NCKAP5: variants seen among roughly 807,000 people sequenced by gnomAD.
The protein encoded by NCKAP5 is nck-associated protein 5.
In NCKAP5, 92 loss-of-function variants were observed where a neutral mutation model predicts 167.0. That is an observed-to-expected ratio of 0.55 (90% CI 0.47 to 0.66). The LOEUF (loss-of-function observed/expected upper bound fraction) is 0.66, where lower values mean the gene tolerates loss of function less well. Ranked by LOEUF, NCKAP5 falls within the 30% of genes least tolerant of loss-of-function variation. NCKAP5 has a pLI of 0.00. For synonymous variants in NCKAP5, 891 were observed against 877.4 expected, an observed-to-expected ratio of 1.02 and a Z score of -0.27; for missense variants, 2,378 against 2,315.0, an observed-to-expected ratio of 1.03 and a Z score of -0.56.
chr2:133,069,399 C>T lies in NCKAP5; in HGVS notation c.341+60579G>A, dbSNP rs566128551. On this transcript the variant is annotated intron_variant, in intron 6 of 19. Transcript: ENST00000409261. ...CTTTGTCTGTTCCCCAGCCAGAGAT[C>T]CCTACTAAAAGAGATAGCATGCTAA... is the stretch of plus-strand genomic sequence containing the variant. 3.3e-5 allele frequency among the ~76,000 whole-genome samples: 5 copies of T among 152,298 alleles called. No individual in the cohort carries two copies. In the East Asian group the frequency reaches 9.6e-4, roughly 29 times the overall value.
At position 132,790,200 on chromosome 2, in the gene NCKAP5, G is replaced by A; in HGVS notation, c.915C>T (p.His305=). 1 of 1,611,372 alleles carries A rather than the reference G, an allele frequency of 6.2e-7. No individual in the cohort carries two copies. The highest frequency in any genetic ancestry group is 8.5e-7 in the Non-Finnish European group (1 of 1,178,818). ...TCAAGGCCGATTTTGTATTTAGTTG[G>A]TGTTCCTGAAAAAGCAGGACAGCTC... ...QSRTDAEVHE[H]QLNTKSALKC... Residue 305 remains histidine (H), a synonymous_variant, in exon 13 of 20, where the codon CAC becomes CAT. Transcript: ENST00000409261.
At chr2:133,094,902 A>C (rs2081298106) in intron 6 of NCKAP5, among the ~76,000 whole-genome samples, 1 of 152,116 alleles carries the variant, frequency 6.6e-6, no homozygotes, top group South Asian at 2.1e-4. Flanking sequence ...TGACCCCTAG[A>C]AGTTTAGAGT....
intron 4 of NCKAP5, among the ~76,000 whole-genome samples, chr2:133,227,724 C>T (rs1024606337): frequency 6.6e-6 from 1 of 152,228 alleles, no homozygotes; most frequent in Non-Finnish European, 1.5e-5. Context: ...ACCCATCTCA[C>T]TTTCCTTTCA....
chr2:133,670,344 G>A, the NCKAP5 span, among the ~76,000 whole-genome samples: 9,386 of 152,212 alleles, frequency 0.062, 944 homozygotes, highest in African/African-American at 0.21. Context: ...AACTTCAGCT[G>A]TATGAATATA....
chr2:133,483,770 A>G (rs1490910755), intron 3 of NCKAP5, among the ~76,000 whole-genome samples: 3 of 152,200 alleles, frequency 2.0e-5, no homozygotes, highest in Non-Finnish European at 4.4e-5. Context: ...GCTGATCATT[A>G]GAATCGCTCA....
intron 3 of NCKAP5, among the ~76,000 whole-genome samples, chr2:133,330,249 T>G (rs1224769328): frequency 7.3e-6 from 1 of 137,640 alleles, no homozygotes; most frequent in Non-Finnish European, 1.6e-5. Context: ...TTTGTATTTT[T>G]TTTTTTTTTT....
chr2:133,328,648 T>TGTGAACTC (rs1357888724), intron 3 of NCKAP5, among the ~76,000 whole-genome samples: 2 of 152,166 alleles, frequency 1.3e-5, no homozygotes, highest in Non-Finnish European at 2.9e-5. Flanking sequence ...AATCAGACAC[T>TGTGAACTC]GTGAACTCGA....
the NCKAP5 span, among the ~76,000 whole-genome samples, chr2:133,647,420 A>AAGGAAGG: frequency 3.4e-5 from 2 of 59,340 alleles, no homozygotes; most frequent in Non-Finnish European, 6.6e-5. Flanking sequence ...AGGAAGGAAG[A>AAGGAAGG]GAAAGAAAGG....
chr2:133,439,777 A>C (rs1690717381), intron 3 of NCKAP5, among the ~76,000 whole-genome samples: 1 of 152,184 alleles, frequency 6.6e-6, no homozygotes, highest in South Asian at 2.1e-4. Flanking sequence ...TTCATTGCTC[A>C]GGTTAAAGAA....
intron 3 of NCKAP5, among the ~76,000 whole-genome samples, chr2:133,394,859 CA>C: frequency 6.6e-6 from 1 of 152,156 alleles, no homozygotes; most frequent in Non-Finnish European, 1.5e-5. Context: ...CATGAAAATG[CA>C]AAACCCATGG....
chr2:133,461,524 TCTC>T (rs1403630601), intron 3 of NCKAP5, among the ~76,000 whole-genome samples: 2 of 152,144 alleles, frequency 1.3e-5, no homozygotes, highest in Admixed American at 6.6e-5. Context: ...ATGGGACAGA[TCTC>T]CTTTCTGCGC....
At chr2:132,693,439 A>G (rs1236022246) in intron 19 of NCKAP5, among the ~76,000 whole-genome samples, 1 of 152,052 alleles carries the variant, frequency 6.6e-6, no homozygotes, top group Non-Finnish European at 1.5e-5. Context: ...TGCCATGTGA[A>G]GACAGACACA....
At chr2:133,188,598 T>A (rs1261836570) in intron 5 of NCKAP5, among the ~76,000 whole-genome samples, 1 of 152,154 alleles carries the variant, frequency 6.6e-6, no homozygotes, top group Non-Finnish European at 1.5e-5. Flanking sequence ...CAGACCACAG[T>A]GCAATCAAAC....
chr2:133,260,695 C>T lies in NCKAP5; in HGVS notation c.143+42342G>A, dbSNP rs1574525613. On this transcript the variant is annotated intron_variant, in intron 4 of 19. Coordinates refer to ENST00000409261, the MANE Select transcript of NCKAP5 (RefSeq NM_207363.3). ...GTCCCTCGGACGGAGGTAAAAAGAACTGCACTACGATATTAGTATTTTAAC... is the reference window on the plus strand; with the variant it reads ...GTCCCTCGGACGGAGGTAAAAAGAATTGCACTACGATATTAGTATTTTAAC... Among the ~76,000 whole-genome samples the T allele has an allele frequency of 5.3e-5, 8 of 152,250 alleles. No homozygotes were observed. The South Asian group carries it at 1.7e-3, about 32-fold the overall frequency.
chr2:133,245,380 A>C (rs2150314994), intron 4 of NCKAP5, among the ~76,000 whole-genome samples: 1 of 152,316 alleles, frequency 6.6e-6, no homozygotes, highest in Non-Finnish European at 1.5e-5. Context: ...AAAAAAACAA[A>C]CCATAAGTAT....
chr2:133,022,030 C>T (rs190846086), intron 6 of NCKAP5, among the ~76,000 whole-genome samples: 3 of 152,300 alleles, frequency 2.0e-5, no homozygotes, highest in East Asian at 1.9e-4. Context: ...TGGCAGAGGC[C>T]GGACCTAGCA....
intron 8 of NCKAP5, among the ~76,000 whole-genome samples, chr2:132,909,964 G>C (rs145579315): frequency 1.9e-3 from 296 of 152,290 alleles, no homozygotes; most frequent in African/African-American, 6.4e-3. Context: ...TGGAAGTGCA[G>C]TCATTATGCC....
chr2:133,322,425 T>G (rs1387511158), intron 3 of NCKAP5, among the ~76,000 whole-genome samples: 1 of 152,200 alleles, frequency 6.6e-6, no homozygotes, highest in Non-Finnish European at 1.5e-5. Context: ...AAACTACATT[T>G]TACATGATAC....
chr2:133,193,840 C>G (rs745756903), intron 5 of NCKAP5, among the ~76,000 whole-genome samples: 5 of 151,972 alleles, frequency 3.3e-5, no homozygotes, highest in Non-Finnish European at 5.9e-5. Context: ...AAGAAAATTT[C>G]TGATTTAATT....
Sources: allele counts gnomAD v4.1 joint callset (sites outside exome capture counted in the v4.1 genomes callset), GRCh38; gene constraint gnomAD v4.1.1; transcripts MANE v1.5; gene names NCBI Gene and HGNC (gene_info 2026-07-23, HGNC 2026-07-21).